ICA1: variants seen among roughly 807,000 people sequenced by gnomAD.
The protein encoded by ICA1 is 69 kDa islet cell autoantigen.
ICA1 carries 40 observed loss-of-function variants against 71.0 expected under a neutral mutation model. The ratio of observed to expected loss-of-function variants is 0.56; its 90% CI spans 0.44 to 0.73. The LOEUF (loss-of-function observed/expected upper bound fraction) is 0.73. Ranked by LOEUF, ICA1 falls within the 30% of genes least tolerant of loss-of-function variation. The pLI, the probability that ICA1 is intolerant of heterozygous loss-of-function variation, is 0.00. For missense variants in ICA1, 578 were observed against 576.5 expected (o/e 1.00, Z -0.03); for synonymous variants, 207 against 209.5 (o/e 0.99, Z 0.10).
chr7:8,120,872 C>A (rs140470585), intron 13 of ICA1, among the ~76,000 whole-genome samples: 1 of 152,130 alleles, frequency 6.6e-6, no homozygotes, highest in African/African-American at 2.4e-5. Flanking sequence ...CATTTACCAG[C>A]GGGGAGAGCC....
intron 1 of ICA1, among the ~76,000 whole-genome samples, chr7:8,247,861 T>C (rs1164346570): frequency 6.6e-6 from 1 of 152,228 alleles, no homozygotes; most frequent in African/African-American, 2.4e-5. Flanking sequence ...CCAATCCTTG[T>C]TCAGAGTAAA....
intron 1 of ICA1, among the ~76,000 whole-genome samples, chr7:8,241,226 A>C (rs1329988163): frequency 6.6e-6 from 1 of 152,172 alleles, no homozygotes; most frequent in African/African-American, 2.4e-5. Context: ...CTCAGCAGAA[A>C]CTCTACAAGC....
upstream of ICA1, chr7:8,262,296 G>T (rs984855367): frequency 3.3e-5 from 5 of 152,004 alleles, no homozygotes; most frequent in African/African-American, 1.2e-4. Context: ...CGGCCGGGGG[G>T]TGCGGGCGCC....
At chr7:8,231,788 T>C (rs556187969) in intron 3 of ICA1, among the ~76,000 whole-genome samples, 31 of 152,320 alleles carry the variant, frequency 2.0e-4, no homozygotes, top group African/African-American at 7.2e-4. Flanking sequence ...AATTGACAAC[T>C]AACATTTCCC....
intron 9 of ICA1, among the ~76,000 whole-genome samples, chr7:8,143,311 G>T (rs1316572444): frequency 2.0e-5 from 3 of 152,350 alleles, no homozygotes; most frequent in African/African-American, 7.2e-5. Context: ...ATGAAATGGA[G>T]ATGGAGCAGT....
rs545707912 is a variant in ICA1 at position 8,123,636 on chromosome 7, C to CTTAG, written c.1330+4233_1330+4236dup. ...GGAACATCATTCAATTGTGTGTGGA[C>CTTAG]TTAGCCTCTGTCTCCCACACCCATT... On this transcript the variant is annotated intron_variant, in intron 13 of 13. Transcript: ENST00000402384. The surrounding 1 kb of genome is among the most constrained non-coding windows in gnomAD (Gnocchi z 4.1). 1.1e-3 allele frequency among the ~76,000 whole-genome samples: 161 copies of CTTAG among 152,290 alleles called. No individual in the cohort carries two copies. The highest frequency in any genetic ancestry group is 2.1e-3 in the Non-Finnish European group (141 of 68,026).
At chr7:8,174,403 A>G (rs1779828591) in intron 6 of ICA1, among the ~76,000 whole-genome samples, 1 of 152,176 alleles carries the variant, frequency 6.6e-6, no homozygotes, top group South Asian at 2.1e-4. Context: ...GTATGCTTTT[A>G]TAACGAACCT....
intron 8 of ICA1, among the ~76,000 whole-genome samples, chr7:8,145,768 G>GTAT (rs1562650836): frequency 7.5e-5 from 5 of 67,094 alleles, no homozygotes; most frequent in Non-Finnish European, 1.7e-4. Flanking sequence ...ATATATATAT[G>GTAT]TATATAAAAT....
intron 6 of ICA1, among the ~76,000 whole-genome samples, chr7:8,198,118 T>C (rs537189197): frequency 7.2e-5 from 11 of 152,344 alleles, no homozygotes; most frequent in African/African-American, 2.6e-4. Flanking sequence ...TACAAGCTAA[T>C]GGCCTATGGC....
chr7:8,261,112 G>A (rs1371326976), intron 1 of ICA1, among the ~76,000 whole-genome samples: 2 of 152,072 alleles, frequency 1.3e-5, no homozygotes, highest in East Asian at 3.8e-4. Flanking sequence ...ACCAGATCTC[G>A]GTTACTAAGA....
rs950543990 is a variant in ICA1 at position 8,223,325 on chromosome 7, G to C, written c.257-1927C>G. Among the ~76,000 whole-genome samples the C allele has an allele frequency of 6.6e-6, 1 of 152,194 alleles. No homozygotes were observed. Among genetic ancestry groups the C allele is most frequent in the Non-Finnish European group, 1.5e-5 (1 of 68,026 alleles). On this transcript the variant is annotated intron_variant, in intron 4 of 13. Transcript: ENST00000402384. This position sits in a 1 kb window ranked among gnomAD's most constrained non-coding sequence, Gnocchi z 4.1. The stretch of plus-strand genomic sequence containing the variant: ...AGGAAGAAACCAATTTGTGGTACCT[G>C]AATAATTACATGGTTGACAAAATGT...
At chr7:8,190,585 C>T (rs1316886802) in intron 6 of ICA1, among the ~76,000 whole-genome samples, 3 of 152,156 alleles carry the variant, frequency 2.0e-5, no homozygotes, top group Non-Finnish European at 4.4e-5. Context: ...GGTTTAGTAC[C>T]AATTCAGATG....
intron 1 of ICA1, among the ~76,000 whole-genome samples, chr7:8,241,980 C>T (rs1004273410): frequency 9.9e-5 from 15 of 152,258 alleles, no homozygotes; most frequent in South Asian, 2.1e-4. Flanking sequence ...GACTTTAACA[C>T]CCCACTGTCA....
chr7:8,172,098 A>G (rs186747737), intron 6 of ICA1, among the ~76,000 whole-genome samples: 5 of 152,170 alleles, frequency 3.3e-5, no homozygotes, highest in Admixed American at 3.3e-4. Flanking sequence ...AACATTCTGT[A>G]AATGTCAATG....
intron 13 of ICA1, among the ~76,000 whole-genome samples, chr7:8,118,422 G>A (rs977212319): frequency 3.3e-5 from 5 of 152,212 alleles, no homozygotes; most frequent in Non-Finnish European, 7.3e-5. Flanking sequence ...CTGTGGTGAA[G>A]GCTGCACAAT....
At chr7:8,205,685 C>A (rs1226665693) in intron 6 of ICA1, among the ~76,000 whole-genome samples, 1 of 152,138 alleles carries the variant, frequency 6.6e-6, no homozygotes, top group Non-Finnish European at 1.5e-5. Context: ...CTAGCAGGAA[C>A]ATAAATCCTC....
chr7:8,248,747 C>T (rs1182204826), intron 1 of ICA1, among the ~76,000 whole-genome samples: 2 of 152,148 alleles, frequency 1.3e-5, no homozygotes, highest in African/African-American at 2.4e-5. Context: ...AAAGAAAATA[C>T]ACACACTTTT....
intron 6 of ICA1, among the ~76,000 whole-genome samples, chr7:8,195,517 G>C (rs1278053769): frequency 6.6e-6 from 1 of 151,862 alleles, no homozygotes; most frequent in East Asian, 1.9e-4. Flanking sequence ...ATTCCAGTCT[G>C]GGCAACAAGA....
At chr7:8,228,077 T>C (rs1040985025) in intron 4 of ICA1, among the ~76,000 whole-genome samples, 3 of 152,320 alleles carry the variant, frequency 2.0e-5, no homozygotes, top group African/African-American at 4.8e-5. Flanking sequence ...AAACACATAA[T>C]TGATATTTAG....
Sources: gnomAD v4.1 joint callset for allele counts (sites outside exome capture counted in the v4.1 genomes callset) on GRCh38, gnomAD v4.1.1 for gene constraint, Gnocchi (gnomAD v3.1) non-coding constraint, MANE v1.5 for transcripts, NCBI Gene and HGNC (gene_info 2026-07-23, HGNC 2026-07-21) for gene names.